The following ERC2 variants were observed in gnomAD, a reference collection of about 807,000 sequenced individuals.
ERC2 encodes ELKS/RAB6-interacting/CAST family member 2.
In ERC2, 42 loss-of-function variants were observed where a neutral mutation model predicts 114.8. The observed-to-expected ratio is 0.37, with a 90% CI of 0.29 to 0.47. ERC2 has a LOEUF of 0.47. ERC2 is among the 20% of genes least tolerant of loss of function. The pLI is 0.99. For missense variants in ERC2, 939 were observed against 1,150.7 expected (o/e 0.82, Z 2.66); for synonymous variants, 454 against 425.5 (o/e 1.07, Z -0.82).
intron 13 of ERC2, among the ~76,000 whole-genome samples, chr3:55,896,929 T>C (rs1029384691): frequency 6.6e-6 from 1 of 152,232 alleles, no homozygotes; most frequent in Non-Finnish European, 1.5e-5. Context: ...TTTAAAATAG[T>C]TGTTACCAGG....
chr3:56,080,288 A>G (rs1183881370), intron 7 of ERC2, among the ~76,000 whole-genome samples: 1 of 152,196 alleles, frequency 6.6e-6, no homozygotes. Context: ...AAGAGCCCTA[A>G]CAAGGTCAAG....
intron 2 of ERC2, among the ~76,000 whole-genome samples, chr3:56,306,584 C>T (rs1284395568): frequency 6.6e-6 from 1 of 152,186 alleles, no homozygotes; most frequent in African/African-American, 2.4e-5. Flanking sequence ...CTGAGAAGCA[C>T]TCATGTGTAA....
chr3:55,958,756 G>A (rs1211313243), intron 12 of ERC2, among the ~76,000 whole-genome samples: 1 of 152,234 alleles, frequency 6.6e-6, no homozygotes, highest in African/African-American at 2.4e-5. Context: ...CCCAGGCTTG[G>A]CCACAACTTT....
intron 17 of ERC2, among the ~76,000 whole-genome samples, chr3:55,512,874 T>C (rs2052190488): frequency 6.6e-6 from 1 of 152,142 alleles, no homozygotes; most frequent in Non-Finnish European, 1.5e-5. Flanking sequence ...TAAATGGCTT[T>C]AAGGAAAAAA....
intron 3 of ERC2, among the ~76,000 whole-genome samples, chr3:56,197,988 C>G (rs996327690): frequency 5.3e-5 from 8 of 152,144 alleles, no homozygotes; most frequent in African/African-American, 1.9e-4. Flanking sequence ...ACGTAGTTAA[C>G]TATAATCATA....
chr3:56,463,002 A>C (rs2063385046), intron 1 of ERC2, among the ~76,000 whole-genome samples: 1 of 152,152 alleles, frequency 6.6e-6, no homozygotes, highest in Non-Finnish European at 1.5e-5. Flanking sequence ...CAAGGCAGGC[A>C]GATCACTTGA....
chr3:55,736,748 T>A (rs2065660253), intron 14 of ERC2, among the ~76,000 whole-genome samples: 1 of 152,168 alleles, frequency 6.6e-6, no homozygotes. Flanking sequence ...TAAAAAAAAT[T>A]AGAATGCTTT....
At chr3:55,814,165 T>C (rs1323278780) in intron 14 of ERC2, among the ~76,000 whole-genome samples, 1 of 152,248 alleles carries the variant, frequency 6.6e-6, no homozygotes, top group Non-Finnish European at 1.5e-5. Context: ...TCAAAAACTC[T>C]TTCCAGGAAC....
intron 17 of ERC2, among the ~76,000 whole-genome samples, chr3:55,554,981 T>C (rs2055496673): frequency 6.6e-6 from 1 of 152,120 alleles, no homozygotes; most frequent in Non-Finnish European, 1.5e-5. Flanking sequence ...GAGCCCTGGC[T>C]CTCAGACAGA....
chr3:55,950,464 C>T lies in ERC2; in HGVS notation c.2364G>A (p.Arg788=), dbSNP rs762457468. The T allele has an allele frequency of 6.2e-7, 1 of 1,614,054 alleles. No homozygotes were observed. Among genetic ancestry groups the T allele is most frequent in the East Asian group, 2.2e-5 (1 of 44,884 alleles). The change falls in exon 13 of 18, where the codon AGG becomes AGA. Residue 788 remains arginine (R), a synonymous_variant. Coordinates refer to ENST00000288221, the MANE Select transcript of ERC2 (RefSeq NM_015576.3). ...KNAQLLEEVR[R]REDSMADNSQ... ...AGTTGTCAGCCATGCTGTCTTCTCG[C>T]CTGCGCACTTCTTCTAGTAACTGAG... is the stretch of plus-strand genomic sequence containing the variant.
chr3:55,710,820 C>T (rs1269803684), intron 15 of ERC2, among the ~76,000 whole-genome samples: 1 of 152,190 alleles, frequency 6.6e-6, no homozygotes, highest in Non-Finnish European at 1.5e-5. Flanking sequence ...AACCCAAATT[C>T]ATAAAATGTT....
intron 3 of ERC2, among the ~76,000 whole-genome samples, chr3:56,200,991 T>C (rs1242943695): frequency 6.6e-6 from 1 of 152,220 alleles, no homozygotes; most frequent in Non-Finnish European, 1.5e-5. Context: ...TGCCAGGCAC[T>C]GTGCTAAGTA....
chr3:55,578,091 C>T (rs550826383), intron 17 of ERC2, among the ~76,000 whole-genome samples: 3 of 152,322 alleles, frequency 2.0e-5, no homozygotes, highest in South Asian at 4.1e-4. Flanking sequence ...GAGGGGCCTT[C>T]CCACTTAGGG....
At chr3:55,955,422 C>A (rs1476890629) in intron 12 of ERC2, among the ~76,000 whole-genome samples, 1 of 152,084 alleles carries the variant, frequency 6.6e-6, no homozygotes, top group East Asian at 1.9e-4. Context: ...GAAGTGATCA[C>A]TACTCTAATC....
intron 10 of ERC2, among the ~76,000 whole-genome samples, chr3:55,999,221 A>C (rs2071839980): frequency 1.3e-5 from 2 of 152,182 alleles, no homozygotes; most frequent in Admixed American, 6.5e-5. Context: ...ACAGTGTTAT[A>C]ATAATAAGAC....
intron 7 of ERC2, among the ~76,000 whole-genome samples, chr3:56,061,374 G>A (rs867871830): frequency 2.6e-5 from 4 of 152,256 alleles, no homozygotes; most frequent in South Asian, 2.1e-4. Flanking sequence ...TCTACCTCCT[G>A]CTTTTCTCTC....
intron 13 of ERC2, among the ~76,000 whole-genome samples, chr3:55,924,562 C>T (rs1465260325): frequency 1.3e-5 from 2 of 151,962 alleles, no homozygotes; most frequent in African/African-American, 2.4e-5. Context: ...CCTCTCTCCG[C>T]AAAAATCCTG....
intron 17 of ERC2, among the ~76,000 whole-genome samples, chr3:55,577,056 T>C (rs893124027): frequency 1.3e-5 from 2 of 152,160 alleles, no homozygotes; most frequent in African/African-American, 4.8e-5. Flanking sequence ...AGCGCCAACT[T>C]CCAGGCCCCA....
intron 14 of ERC2, among the ~76,000 whole-genome samples, chr3:55,857,313 A>G (rs2061832124): frequency 6.6e-6 from 1 of 152,156 alleles, no homozygotes; most frequent in South Asian, 2.1e-4. Flanking sequence ...AGAATGTAAT[A>G]AGGTTATGAG....
Sources: gnomAD v4.1 joint callset for allele counts (sites outside exome capture counted in the v4.1 genomes callset) on GRCh38, gnomAD v4.1.1 for gene constraint, MANE v1.5 for transcripts, NCBI Gene and HGNC (gene_info 2026-07-23, HGNC 2026-07-21) for gene names.